INPP4B: variants seen among roughly 807,000 people sequenced by gnomAD.
The protein encoded by INPP4B is inositol polyphosphate-4-phosphatase type II B.
In INPP4B, 55 loss-of-function variants were observed where a neutral mutation model predicts 122.5. That is an observed-to-expected ratio of 0.45 (90% CI 0.36 to 0.56). The LOEUF (loss-of-function observed/expected upper bound fraction) is 0.56. INPP4B is among the 20% of genes least tolerant of loss of function. INPP4B has a pLI of 0.00. For missense variants in INPP4B, 1,000 were observed against 1,097.7 expected, an observed-to-expected ratio of 0.91 and a Z score of 1.26; for synonymous variants, 403 against 388.7, an observed-to-expected ratio of 1.04 and a Z score of -0.43.
intron 21 of INPP4B, among the ~76,000 whole-genome samples, chr4:142,116,466 C>A (rs1212929012): frequency 6.6e-6 from 1 of 152,136 alleles, no homozygotes; most frequent in Non-Finnish European, 1.5e-5. Flanking sequence ...AACTGTCTCT[C>A]AGATCACAGT....
intron 2 of INPP4B, among the ~76,000 whole-genome samples, chr4:142,561,415 T>C (rs1384685159): frequency 1.3e-5 from 1 of 74,680 alleles, no homozygotes; most frequent in African/African-American, 5.7e-5. Flanking sequence ...TGTTTTTTTG[T>C]TTGTTTGTTT....
At chr4:142,313,164 A>G (rs1766200091) in intron 8 of INPP4B, among the ~76,000 whole-genome samples, 1 of 152,132 alleles carries the variant, frequency 6.6e-6, no homozygotes, top group Admixed American at 6.5e-5. Flanking sequence ...ATTAAGATGG[A>G]TTCCCAAGAA....
chr4:142,600,954 A>G (rs181827242), intron 2 of INPP4B, among the ~76,000 whole-genome samples: 163 of 152,282 alleles, frequency 1.1e-3, no homozygotes, highest in African/African-American at 3.6e-3. Flanking sequence ...AAAAAAGGGC[A>G]TTATATAATA....
At chr4:142,643,902 C>T (rs556028206) in intron 2 of INPP4B, among the ~76,000 whole-genome samples, 10 of 152,234 alleles carry the variant, frequency 6.6e-5, no homozygotes, top group Admixed American at 3.3e-4. Flanking sequence ...ATCAACTCCC[C>T]GCATAAGAAT....
chr4:142,757,789 T>G (rs1305484162), intron 1 of INPP4B, among the ~76,000 whole-genome samples: 1 of 152,204 alleles, frequency 6.6e-6, no homozygotes. Context: ...GCATGATTGC[T>G]GGATCTTAGG....
intron 1 of INPP4B, among the ~76,000 whole-genome samples, chr4:142,753,211 T>A (rs1769993553): frequency 6.6e-6 from 1 of 152,164 alleles, no homozygotes; most frequent in Non-Finnish European, 1.5e-5. Context: ...TAGTTATATC[T>A]TGCTCTAATA....
At chr4:142,057,734 T>C (rs1322784167) in intron 25 of INPP4B, among the ~76,000 whole-genome samples, 1 of 152,182 alleles carries the variant, frequency 6.6e-6, no homozygotes, top group Non-Finnish European at 1.5e-5. Context: ...GCTTTTTTAC[T>C]CCTTAAAACT....
chr4:142,750,969 A>G (rs1769598947), intron 1 of INPP4B, among the ~76,000 whole-genome samples: 1 of 152,112 alleles, frequency 6.6e-6, no homozygotes, highest in African/African-American at 2.4e-5. Context: ...ACATTCTCAA[A>G]AAGTAGAAGA....
At chr4:142,806,088 T>G (rs7688275) in intron 1 of INPP4B, among the ~76,000 whole-genome samples, 51,650 of 151,592 alleles carry the variant, frequency 0.34, 8,975 homozygotes, top group South Asian at 0.43. Context: ...GACCATCCTG[T>G]CTAACACGGT....
intron 2 of INPP4B, among the ~76,000 whole-genome samples, chr4:142,663,933 C>G (rs909241556): frequency 6.6e-6 from 1 of 152,044 alleles, no homozygotes; most frequent in Non-Finnish European, 1.5e-5. Context: ...AAGTAATTAC[C>G]TTGGGAAAAT....
chr4:142,391,180 T>A (rs1221490477), intron 7 of INPP4B, among the ~76,000 whole-genome samples: 1 of 152,220 alleles, frequency 6.6e-6, no homozygotes, highest in African/African-American at 2.4e-5. Flanking sequence ...TAAGCCAAAT[T>A]ACCTATAATA....
chr4:142,198,684 T>A (rs552293423), intron 14 of INPP4B, among the ~76,000 whole-genome samples: 12 of 152,102 alleles, frequency 7.9e-5, no homozygotes, highest in Non-Finnish European at 1.8e-4. Flanking sequence ...TTATTTATAA[T>A]TCCTTGAATT....
At chr4:142,163,868 C>G (rs937420842) in intron 16 of INPP4B, among the ~76,000 whole-genome samples, 2 of 151,728 alleles carry the variant, frequency 1.3e-5, no homozygotes, top group African/African-American at 4.8e-5. Context: ...TTCTAAAAAA[C>G]CTTTTTCTTT....
intron 7 of INPP4B, among the ~76,000 whole-genome samples, chr4:142,338,978 G>A (rs998532522): frequency 1.3e-5 from 2 of 152,092 alleles, no homozygotes; most frequent in Non-Finnish European, 2.9e-5. Flanking sequence ...GGAGGGTCCA[G>A]GAGGGGAGAA....
At chr4:142,513,217 C>A (rs1285746904) in intron 2 of INPP4B, among the ~76,000 whole-genome samples, 1 of 152,126 alleles carries the variant, frequency 6.6e-6, no homozygotes, top group Non-Finnish European at 1.5e-5. Flanking sequence ...TGTCTTAGCC[C>A]ATTCAGGCTG....
intron 1 of INPP4B, among the ~76,000 whole-genome samples, chr4:142,819,599 T>C (rs907282919): frequency 1.3e-5 from 2 of 152,202 alleles, no homozygotes; most frequent in African/African-American, 2.4e-5. Context: ...CTGCAAATTC[T>C]ATCTGCATTC....
At chr4:142,036,534 T>C (rs1450763828) in intron 25 of INPP4B, among the ~76,000 whole-genome samples, 1 of 152,208 alleles carries the variant, frequency 6.6e-6, no homozygotes, top group Non-Finnish European at 1.5e-5. Context: ...GAATGGTCCT[T>C]ATTCCAAATA....
intron 2 of INPP4B, among the ~76,000 whole-genome samples, chr4:142,657,132 T>C (rs1186626075): frequency 6.6e-6 from 1 of 152,120 alleles, no homozygotes; most frequent in Non-Finnish European, 1.5e-5. Flanking sequence ...GTGTGTACTG[T>C]GTGTGATATC....
intron 3 of INPP4B, among the ~76,000 whole-genome samples, chr4:142,459,555 TA>T (rs1232558857): frequency 1.3e-5 from 2 of 152,122 alleles, no homozygotes; most frequent in Non-Finnish European, 2.9e-5. Context: ...TATACACAAA[TA>T]ATAGCAAACT....
Sources: allele counts gnomAD v4.1 joint callset (sites outside exome capture counted in the v4.1 genomes callset), GRCh38; gene constraint gnomAD v4.1.1; transcripts MANE v1.5; gene names NCBI Gene and HGNC (gene_info 2026-07-23, HGNC 2026-07-21).